PRKG1: variants seen among roughly 807,000 people sequenced by gnomAD.
The protein encoded by PRKG1 is protein kinase cGMP-dependent 1.
In PRKG1, 35 loss-of-function variants were observed where a neutral mutation model predicts 88.1. That is an observed-to-expected ratio of 0.40 (90% confidence interval 0.30 to 0.53). The LOEUF is 0.53. PRKG1 is among the 20% of genes least tolerant of loss of function. PRKG1 has a pLI of 0.59. For synonymous variants in PRKG1, 303 were observed against 292.5 expected (o/e 1.04, Z -0.37); for missense variants, 540 against 839.8 (o/e 0.64, Z 4.41).
chr10:51,425,413 A>G (rs757019058), intron 2 of PRKG1, among the ~76,000 whole-genome samples: 2 of 152,240 alleles, frequency 1.3e-5, no homozygotes, highest in Non-Finnish European at 2.9e-5. Context: ...TTTTGCATTT[A>G]TACAAATGAG....
intron 5 of PRKG1, among the ~76,000 whole-genome samples, chr10:51,979,611 C>CTTTT (rs71032612): frequency 4.1e-5 from 3 of 72,304 alleles, no homozygotes; most frequent in African/African-American, 1.1e-4. Context: ...TGGTCCTGGG[C>CTTTT]TTTTTTTTTT....
intron 9 of PRKG1, among the ~76,000 whole-genome samples, chr10:52,220,330 A>G (rs980624160): frequency 1.3e-5 from 2 of 152,116 alleles, no homozygotes; most frequent in African/African-American, 2.4e-5. Context: ...AACTAGCACC[A>G]GCTTGCCAAC....
upstream of PRKG1, among the ~76,000 whole-genome samples, chr10:51,071,634 T>C (rs1843827612): frequency 6.6e-6 from 1 of 152,236 alleles, no homozygotes; most frequent in Non-Finnish European, 1.5e-5. Flanking sequence ...CATTTAGATA[T>C]GCCAGCTTAA....
intron 3 of PRKG1, among the ~76,000 whole-genome samples, chr10:51,632,861 G>A (rs910751486): frequency 6.6e-6 from 1 of 152,122 alleles, no homozygotes; most frequent in African/African-American, 2.4e-5. Context: ...AGGAGTAAAT[G>A]TTTCCCTTTT....
intron 2 of PRKG1, among the ~76,000 whole-genome samples, chr10:51,462,853 T>C (rs955318690): frequency 6.6e-6 from 1 of 152,186 alleles, no homozygotes. Flanking sequence ...TTTTTTATAT[T>C]TCTTCCTTAT....
chr10:52,068,110 G>A lies in PRKG1; in HGVS notation c.935+5479G>A, dbSNP rs1191030513. On this transcript the variant is annotated intron_variant, in intron 7 of 17. Transcript: ENST00000373980. ...CCCAGCTACACGGGAGGCTGAGGCA[G>A]GAGAATGGCGTGAACCCGGGAGGCG... Among the ~76,000 whole-genome samples the A allele has an allele frequency of 1.0e-4, 13 of 124,724 alleles. 5 individuals are homozygous for A. Among genetic ancestry groups the A allele is most frequent in the Non-Finnish European group, 2.2e-4 (12 of 54,284 alleles). The allele number at this position is 124,724 out of a possible 152,430, so 81.8% of individuals were successfully genotyped here.
At chr10:51,450,184 C>T (rs1839393785) in intron 2 of PRKG1, among the ~76,000 whole-genome samples, 1 of 151,760 alleles carries the variant, frequency 6.6e-6, no homozygotes, top group South Asian at 2.1e-4. Flanking sequence ...TATTAGGTTT[C>T]TTTATAAAAA....
At chr10:52,060,221 G>A (rs1846206001) in intron 6 of PRKG1, among the ~76,000 whole-genome samples, 1 of 151,674 alleles carries the variant, frequency 6.6e-6, no homozygotes, top group Admixed American at 6.6e-5. Flanking sequence ...AAATAAAATT[G>A]GATCCTTAGC....
intron 1 of PRKG1, among the ~76,000 whole-genome samples, chr10:51,076,241 G>A (rs911875910): frequency 6.6e-6 from 1 of 152,132 alleles, no homozygotes; most frequent in Non-Finnish European, 1.5e-5. Context: ...TGTATTCTGC[G>A]AGGGAGTTGG....
intron 3 of PRKG1, among the ~76,000 whole-genome samples, chr10:51,733,783 C>A (rs1023998340): frequency 6.6e-6 from 1 of 152,072 alleles, no homozygotes; most frequent in Non-Finnish European, 1.5e-5. Flanking sequence ...CACTTTTGAT[C>A]CTGCAATTGT....
intron 5 of PRKG1, among the ~76,000 whole-genome samples, chr10:51,938,523 C>T (rs1255388925): frequency 6.6e-6 from 1 of 151,888 alleles, no homozygotes. Context: ...ATGTCATTCC[C>T]CTTCTTTAAA....
At chr10:51,848,955 TC>T (rs764420092) in intron 4 of PRKG1, among the ~76,000 whole-genome samples, 8 of 152,086 alleles carry the variant, frequency 5.3e-5, no homozygotes, top group Non-Finnish European at 1.2e-4. Flanking sequence ...TGTCATGATA[TC>T]ATTTTATTGC....
intron 9 of PRKG1, among the ~76,000 whole-genome samples, chr10:52,248,994 C>T (rs1841098150): frequency 1.7e-5 from 1 of 58,412 alleles, no homozygotes; most frequent in Admixed American, 1.9e-4. Context: ...CCCACGCTTC[C>T]CCCTTCTCCC....
chr10:51,624,070 T>A (rs1442413344), intron 3 of PRKG1, among the ~76,000 whole-genome samples: 2 of 152,172 alleles, frequency 1.3e-5, no homozygotes, highest in Non-Finnish European at 2.9e-5. Flanking sequence ...CAGCATGAAA[T>A]GACAGAAAAG....
intron 2 of PRKG1, among the ~76,000 whole-genome samples, chr10:51,175,724 C>G (rs1837173912): frequency 6.6e-6 from 1 of 152,008 alleles, no homozygotes; most frequent in Non-Finnish European, 1.5e-5. Flanking sequence ...AATGTGAGTC[C>G]TGGACCAGCA....
intron 4 of PRKG1, among the ~76,000 whole-genome samples, chr10:51,847,314 C>T (rs958798897): frequency 6.6e-6 from 1 of 152,132 alleles, no homozygotes; most frequent in Non-Finnish European, 1.5e-5. Context: ...ATGATTGAAA[C>T]TGAAAGCAAA....
intron 3 of PRKG1, among the ~76,000 whole-genome samples, chr10:51,635,657 A>C (rs1211294602): frequency 6.6e-6 from 1 of 152,176 alleles, no homozygotes; most frequent in Non-Finnish European, 1.5e-5. Context: ...TGAACAATGT[A>C]TGAATTAATG....
chr10:52,243,300 A>T (rs1345502977), intron 9 of PRKG1, among the ~76,000 whole-genome samples: 4 of 152,216 alleles, frequency 2.6e-5, no homozygotes, highest in Admixed American at 2.0e-4. Context: ...TTTTTCAAAT[A>T]TAAGGACATT....
intron 2 of PRKG1, among the ~76,000 whole-genome samples, chr10:51,167,258 T>G (rs553764680): frequency 1.0e-3 from 156 of 152,164 alleles, no homozygotes; most frequent in Admixed American, 1.8e-3. Context: ...GCATTTGAGT[T>G]TGAACCTGAA....
Sources: allele counts gnomAD v4.1 joint callset (sites outside exome capture counted in the v4.1 genomes callset), GRCh38; gene constraint gnomAD v4.1.1; transcripts MANE v1.5; gene names NCBI Gene and HGNC (gene_info 2026-07-23, HGNC 2026-07-21).